Variants in PIBF1 observed in about 807,000 individuals in gnomAD.
PIBF1 encodes progesterone-induced-blocking factor 1.
PIBF1 carries 90 observed loss-of-function variants against 112.5 expected under a neutral mutation model. That is an observed-to-expected ratio of 0.80 (90% CI 0.67 to 0.95). The LOEUF is 0.95. Among genes scored for constraint, PIBF1 ranks in the 40% least tolerant of loss-of-function variants. The pLI, the probability that PIBF1 is intolerant of heterozygous loss-of-function variation, is 0.00. For synonymous variants in PIBF1, 301 were observed against 288.6 expected (o/e 1.04, Z -0.44); for missense variants, 915 against 852.3 (o/e 1.07, Z -0.92).
At chr13:72,955,383 G>GTGTT (rs1323218246) in intron 14 of PIBF1, among the ~76,000 whole-genome samples, 1 of 149,346 alleles carries the variant, frequency 6.7e-6, no homozygotes, top group Non-Finnish European at 1.5e-5. Context: ...TTGTGTGTGT[G>GTGTT]TGTGTGTGTG....
chr13:72,854,163 T>C lies in PIBF1; in HGVS notation c.1322+8T>C. On this transcript the variant is annotated splice_region_variant and intron_variant, in intron 10 of 17. Transcript: ENST00000326291. ...CGATCAGCTCTTAGACAGGTAAGCA[T>C]CATAAAAATAGAAATGTTAAAACTC... is the stretch of plus-strand genomic sequence containing the variant. 2 of 1,553,458 alleles carry C rather than the reference T, an allele frequency of 1.3e-6. No individual in the cohort carries two copies. Among genetic ancestry groups the C allele is most frequent in the South Asian group, 1.1e-5 (1 of 89,212 alleles).
Position 72,967,834 on chromosome 13 carries a change from GTAATT to G in PIBF1, c.1964+2434_1964+2438del, listed in dbSNP as rs1050285526. Reference sequence around the variant, plus strand: ...AGTACTTAGTTTTGAGTTAGGGCAAGTAATTTAAACTCTCTAATACCTCTGTTGTC... The same window carrying G: ...AGTACTTAGTTTTGAGTTAGGGCAAGTAAACTCTCTAATACCTCTGTTGTC... On this transcript the variant is annotated intron_variant, in intron 15 of 17. Transcript: ENST00000326291. 3.9e-4 allele frequency among the ~76,000 whole-genome samples: 59 copies of G among 152,184 alleles called. 1 individual carries two copies. The highest frequency in any genetic ancestry group is 1.3e-3 in the African/African-American group (55 of 41,528).
chr13:72,825,051 G>A (rs796427170), intron 6 of PIBF1, among the ~76,000 whole-genome samples: 24 of 152,024 alleles, frequency 1.6e-4, no homozygotes, highest in African/African-American at 5.8e-4. Flanking sequence ...TAAAACACAA[G>A]GAAAACTAAG....
In PIBF1 at chr13:72,965,422, C is replaced by A; in HGVS notation, c.1964+18C>A. 6.3e-7 allele frequency: 1 copy of A among 1,584,106 alleles called. No homozygotes were observed. The highest frequency in any genetic ancestry group is 8.6e-7 in the Non-Finnish European group (1 of 1,165,042). On this transcript the variant is annotated intron_variant, in intron 15 of 17. Transcript: ENST00000326291. ...GATGTCAGGTAAACCATCTACAAAT[C>A]TTTTATTTGAATAATAAAGACATTG... is the stretch of plus-strand genomic sequence containing the variant.
chr13:72,928,274 TAATC>T (rs2041595077), intron 13 of PIBF1, among the ~76,000 whole-genome samples: 1 of 151,940 alleles, frequency 6.6e-6, no homozygotes, highest in African/African-American at 2.4e-5. Flanking sequence ...TATAAACTAG[TAATC>T]AAAGCACTGT....
At chr13:72,894,014 T>A in intron 11 of PIBF1, 65 bp downstream of exon 11, 1 of 772,360 alleles carries the variant, frequency 1.3e-6, no homozygotes, top group Non-Finnish European at 1.9e-6. Context: ...ACAAGATTTA[T>A]ATTGAGCTTT....
chr13:72,853,941 C>A, intron 9 of PIBF1, 116 bp from the exon 10 acceptor site: 2 of 748,454 alleles, frequency 2.7e-6, no homozygotes, highest in Non-Finnish European at 4.5e-6. Flanking sequence ...ATAGTGTACA[C>A]TTTGGGTCCC....
chr13:72,963,717 ACTC>A lies in PIBF1; in HGVS notation c.1834-1554_1834-1552del, dbSNP rs200105105. On this transcript the variant is annotated intron_variant, in intron 14 of 17. Coordinates refer to ENST00000326291, the MANE Select transcript of PIBF1 (RefSeq NM_006346.4). ...CTATATTATTAAGAATATATAGAGA[ACTC>A]CTACAACTCAGCAACAACAACAAGA... Among the ~76,000 whole-genome samples the A allele has an allele frequency of 8.6e-3, 1,308 of 152,228 alleles. 64 individuals are homozygous for A. Among genetic ancestry groups the A allele is most frequent in the East Asian group, 9.5e-3 (49 of 5,182 alleles).
intron 16 of PIBF1, among the ~76,000 whole-genome samples, chr13:72,979,698 CAGATCACAAGATCAGGAGATCGA>C (rs1397689097): frequency 6.6e-6 from 1 of 152,046 alleles, no homozygotes; most frequent in Non-Finnish European, 1.5e-5. Context: ...CCGAGGCGGG[CAGATCACAAGATCAGGAGATCGA>C]GACCATCCTG....
chr13:72,872,736 T>G (rs1594097549), intron 10 of PIBF1, among the ~76,000 whole-genome samples: 1 of 152,178 alleles, frequency 6.6e-6, no homozygotes, highest in African/African-American at 2.4e-5. Context: ...TAAGTAACTT[T>G]AGCAAGATTA....
At chr13:72,851,814 C>G (rs760058145) in intron 9 of PIBF1, among the ~76,000 whole-genome samples, 4 of 152,234 alleles carry the variant, frequency 2.6e-5, no homozygotes, top group Non-Finnish European at 5.9e-5. Context: ...TGGCAGACCT[C>G]TGGACGATCT....
intron 12 of PIBF1, among the ~76,000 whole-genome samples, chr13:72,915,993 T>C (rs2041078981): frequency 6.6e-6 from 1 of 152,222 alleles, no homozygotes; most frequent in South Asian, 2.1e-4. Context: ...AATAATATTA[T>C]GAAAGTTTTT....
chr13:72,789,361 T>C (rs993425884), intron 2 of PIBF1, among the ~76,000 whole-genome samples: 2 of 152,048 alleles, frequency 1.3e-5, no homozygotes, highest in Non-Finnish European at 2.9e-5. Flanking sequence ...ATTTTTTTAA[T>C]TTTTTTGTAG....
chr13:72,825,634 C>G lies in PIBF1; in HGVS notation c.807-1376C>G, dbSNP rs570448779. 4.6e-5 allele frequency among the ~76,000 whole-genome samples: 7 copies of G among 152,160 alleles called. No homozygotes were observed. In the South Asian group the frequency reaches 1.5e-3, roughly 32 times the overall value. Reference sequence around the variant, plus strand: ...TGGGGGTGGGTCTGGAACCCATTCTCCACATATACCGTTAAGACACCTGCA... The same window carrying G: ...TGGGGGTGGGTCTGGAACCCATTCTGCACATATACCGTTAAGACACCTGCA... On this transcript the variant is annotated intron_variant, in intron 6 of 17. Coordinates refer to ENST00000326291, the MANE Select transcript of PIBF1 (RefSeq NM_006346.4).
At chr13:72,846,736 CT>C (rs897162848) in intron 9 of PIBF1, among the ~76,000 whole-genome samples, 3 of 152,094 alleles carry the variant, frequency 2.0e-5, no homozygotes, top group African/African-American at 7.2e-5. Context: ...GTGGTCTTTT[CT>C]GACTTTGTTC....
At chr13:72,842,855 A>C (rs544617234) in intron 9 of PIBF1, among the ~76,000 whole-genome samples, 2 of 152,300 alleles carry the variant, frequency 1.3e-5, no homozygotes, top group Admixed American at 1.3e-4. Context: ...CAAATATTTT[A>C]AATTAATTTT....
At chr13:72,783,048 G>A (rs1295166819) in intron 1 of PIBF1, among the ~76,000 whole-genome samples, 1 of 152,002 alleles carries the variant, frequency 6.6e-6, no homozygotes, top group Non-Finnish European at 1.5e-5. Flanking sequence ...AAGATTCTAA[G>A]TGCTACCTCT....
At chr13:72,949,854 A>G (rs2042251882) in intron 14 of PIBF1, among the ~76,000 whole-genome samples, 1 of 152,210 alleles carries the variant, frequency 6.6e-6, no homozygotes, top group East Asian at 1.9e-4. Flanking sequence ...TAAATGTGTA[A>G]TATTTTCATC....
At chr13:72,975,462 G>T (rs1434389554) in intron 16 of PIBF1, among the ~76,000 whole-genome samples, 1 of 152,186 alleles carries the variant, frequency 6.6e-6, no homozygotes, top group Non-Finnish European at 1.5e-5. Context: ...ATATTGTTGA[G>T]AGAGGGGAAC....
Sources: allele counts gnomAD v4.1 joint callset (sites outside exome capture counted in the v4.1 genomes callset), GRCh38; gene constraint gnomAD v4.1.1; transcripts MANE v1.5; gene names NCBI Gene and HGNC (gene_info 2026-07-23, HGNC 2026-07-21).